The following WASHC2C variants were observed in gnomAD, a reference collection of about 807,000 sequenced individuals.
WASHC2C encodes the protein WASH complex subunit 2C.
WASHC2C carries 73 observed loss-of-function variants against 142.2 expected under a neutral mutation model. The ratio of observed to expected loss-of-function variants is 0.51; its 90% confidence interval spans 0.43 to 0.62. The LOEUF (loss-of-function observed/expected upper bound fraction) is 0.62, where lower values mean the gene tolerates loss of function less well. Ranked by LOEUF, WASHC2C falls within the 20% of genes least tolerant of loss-of-function variation. The pLI, the probability that WASHC2C is intolerant of heterozygous loss-of-function variation, is 0.00. For synonymous variants in WASHC2C, 337 were observed against 565.5 expected, an observed-to-expected ratio of 0.60 and a Z score of 5.73; for missense variants, 969 against 1,531.7, an observed-to-expected ratio of 0.63 and a Z score of 6.13.
At chr10:45,780,857 G>A (rs1460336827) in intron 23 of WASHC2C, among the ~76,000 whole-genome samples, 5 of 151,448 alleles carry the variant, frequency 3.3e-5, no homozygotes, top group Middle Eastern at 3.4e-3. Flanking sequence ...GGGTTCAAGC[G>A]ATTCTCCTGC....
chr10:45,737,299 AG>A lies in WASHC2C; in HGVS notation c.292-683del, dbSNP rs1478286171. ...TGGCCTATATTGACTTTTTATAACA[AG>A]CATGTTGTACTTCGGTAGTTTTTAA... On this transcript the variant is annotated intron_variant, in intron 3 of 30. Transcript: ENST00000623400. The A allele has an allele frequency of 1.2e-5, 5 of 434,186 alleles. No individual in the cohort carries two copies. In the African/African-American group the frequency reaches 1.2e-4, roughly 10 times the overall value. 26.9% of individuals were successfully genotyped at this position (434,186 alleles called of 1,614,324 possible).
At chr10:45,734,224 C>A (rs2050940100) in intron 3 of WASHC2C, among the ~76,000 whole-genome samples, 1 of 151,804 alleles carries the variant, frequency 6.6e-6, no homozygotes, top group East Asian at 1.9e-4. Flanking sequence ...GACTCCGTCT[C>A]AAAAAAATAA....
At chr10:45,766,247 T>C (rs2055798808) in intron 19 of WASHC2C, among the ~76,000 whole-genome samples, 1 of 152,300 alleles carries the variant, frequency 6.6e-6, no homozygotes. Flanking sequence ...TGCAGTCTGA[T>C]GAAGAAGCGG....
At chr10:45,772,985 G>A (rs199676676) in intron 20 of WASHC2C, among the ~76,000 whole-genome samples, 7,280 of 149,670 alleles carry the variant, frequency 0.049, 158 homozygotes, top group African/African-American at 0.086. Flanking sequence ...GCCTTGCAGC[G>A]GTAACAGCTG....
At chr10:45,751,843 G>T (rs1280520077) in intron 11 of WASHC2C, among the ~76,000 whole-genome samples, 3 of 152,046 alleles carry the variant, frequency 2.0e-5, no homozygotes, top group South Asian at 2.1e-4. Context: ...TTGGCATGGT[G>T]GTGGGTGCCT....
At chr10:45,744,087 T>C (rs2052497428) in intron 6 of WASHC2C, among the ~76,000 whole-genome samples, 1 of 150,084 alleles carries the variant, frequency 6.7e-6, no homozygotes, top group Non-Finnish European at 1.5e-5. Context: ...AGCCGGAGTT[T>C]CTCTCTGGTC....
chr10:45,761,978 A>G (rs1443844474), intron 17 of WASHC2C, among the ~76,000 whole-genome samples: 1 of 151,724 alleles, frequency 6.6e-6, no homozygotes, highest in African/African-American at 2.4e-5. Context: ...CATTAGGTCT[A>G]TATTTAGGAG....
At chr10:45,727,221 C>T, upstream of WASHC2C, 1 of 1,507,102 alleles carries the variant, frequency 6.6e-7, no homozygotes, top group Non-Finnish European at 8.8e-7. Context: ...TGAGGCCGGT[C>T]ACGCCCCGGG....
chr10:45,761,839 T>C (rs1311741247), intron 17 of WASHC2C, among the ~76,000 whole-genome samples: 1 of 152,222 alleles, frequency 6.6e-6, no homozygotes, highest in Non-Finnish European at 1.5e-5. Flanking sequence ...CTTGCCATTG[T>C]GTAACATGCA....
intron 3 of WASHC2C, among the ~76,000 whole-genome samples, chr10:45,729,631 T>C (rs2050303385): frequency 6.6e-6 from 1 of 151,400 alleles, no homozygotes; most frequent in South Asian, 2.1e-4. Flanking sequence ...AATTCCAGCA[T>C]ACAAAGGAAG....
intron 5 of WASHC2C, among the ~76,000 whole-genome samples, chr10:45,743,081 T>C (rs1419971455): frequency 2.6e-5 from 4 of 151,836 alleles, no homozygotes; most frequent in African/African-American, 9.7e-5. Context: ...TTCACCACGT[T>C]GGTCAGGCTG....
chr10:45,732,367 A>G (rs1420608592), intron 3 of WASHC2C, among the ~76,000 whole-genome samples: 1 of 152,200 alleles, frequency 6.6e-6, no homozygotes, highest in Non-Finnish European at 1.5e-5. Flanking sequence ...TAAAGGCTCA[A>G]GAGGGGACTT....
intron 3 of WASHC2C, among the ~76,000 whole-genome samples, chr10:45,729,580 A>G (rs1203808398): frequency 6.6e-6 from 1 of 151,982 alleles, no homozygotes; most frequent in African/African-American, 2.4e-5. Context: ...GTAGGAATAC[A>G]TAGGTAAATT....
chr10:45,754,281 C>A (rs1214142299), intron 13 of WASHC2C, among the ~76,000 whole-genome samples: 1 of 152,040 alleles, frequency 6.6e-6, no homozygotes, highest in Non-Finnish European at 1.5e-5. Context: ...TGAGTCACAG[C>A]TCAGATTGTG....
chr10:45,747,114 T>C (rs547153185), intron 8 of WASHC2C, among the ~76,000 whole-genome samples: 1 of 152,358 alleles, frequency 6.6e-6, no homozygotes, highest in East Asian at 1.9e-4. Context: ...CATTTTATGT[T>C]AACATTTTAT....
At chr10:45,765,289 A>C (rs1401796559) in intron 18 of WASHC2C, among the ~76,000 whole-genome samples, 2 of 150,780 alleles carry the variant, frequency 1.3e-5, no homozygotes, top group African/African-American at 2.4e-5. Context: ...TCATTCGTGG[A>C]GACAACAGTG....
At position 45,751,456 on chromosome 10, in the gene WASHC2C, A is replaced by G. The variant is rs782680869; in HGVS notation, c.932-26A>G. ...GTATACTGAGGGAGGACTTAGTACT[A>G]TTAAAACTGTGAACTGTTCTTCAAG... On this transcript the variant is annotated intron_variant, in intron 10 of 30. Transcript: ENST00000623400. 3.6e-5 allele frequency: 45 copies of G among 1,233,384 alleles called. No homozygotes were observed. In the South Asian group the frequency reaches 5.7e-4, roughly 16 times the overall value. The allele number at this position is 1,233,384 out of a possible 1,614,324, so 76.4% of individuals were successfully genotyped here.
rs2052408946 is a variant in WASHC2C at position 45,743,527 on chromosome 10, T to G, written c.622+44T>G. 4 of 1,600,646 alleles carry G rather than the reference T, an allele frequency of 2.5e-6. No individual in the cohort carries two copies. The East Asian group carries it at 8.9e-5, about 36-fold the overall frequency. Reference sequence around the variant, plus strand: ...TAATTTTATTCCTTAACATTTCTTTTTTATTTTAAAATAATTTCAAATTTT... The same window carrying G: ...TAATTTTATTCCTTAACATTTCTTTGTTATTTTAAAATAATTTCAAATTTT... On this transcript the variant is annotated intron_variant, in intron 6 of 30. Transcript: ENST00000623400.
chr10:45,752,196 A>G (rs2053677929), intron 11 of WASHC2C, among the ~76,000 whole-genome samples: 1 of 152,246 alleles, frequency 6.6e-6, no homozygotes, highest in Non-Finnish European at 1.5e-5. Context: ...TGTCGATTAC[A>G]TTAGACTTGT....
Sources: allele counts gnomAD v4.1 joint callset (sites outside exome capture counted in the v4.1 genomes callset), GRCh38; gene constraint gnomAD v4.1.1; transcripts MANE v1.5; gene names NCBI Gene and HGNC (gene_info 2026-07-23, HGNC 2026-07-21).